DNAH14: variants seen among roughly 807,000 people sequenced by gnomAD.
The protein encoded by DNAH14 is axonemal beta dynein heavy chain 14.
Under a neutral mutation model 520.9 loss-of-function variants are expected in DNAH14, and 478 were observed. The ratio of observed to expected loss-of-function variants is 0.92; its 90% confidence interval spans 0.85 to 0.99. The LOEUF is 0.99. Ranked by LOEUF, DNAH14 falls within the 50% of genes least tolerant of loss-of-function variation. The pLI, the probability that DNAH14 is intolerant of heterozygous loss-of-function variation, is 0.00. For missense variants in DNAH14, 4,831 were observed against 5,234.5 expected (o/e 0.92, Z 2.38); for synonymous variants, 1,581 against 1,757.2 (o/e 0.90, Z 2.51).
chr1:225,094,695 C>A (rs73133567), intron 21 of DNAH14, among the ~76,000 whole-genome samples: 27,935 of 91,706 alleles, frequency 0.3, 8,503 homozygotes, highest in African/African-American at 0.71. Context: ...AACAAACAAA[C>A]AAAAAAACGC....
intron 27 of DNAH14, among the ~76,000 whole-genome samples, chr1:225,135,457 T>C (rs2078867187): frequency 6.6e-6 from 1 of 152,142 alleles, no homozygotes; most frequent in South Asian, 2.1e-4. Context: ...TATGTAGTTG[T>C]ATGGTTTTGA....
At chr1:225,307,434 C>T in intron 58 of DNAH14, 27 bp from the exon 59 acceptor site, 1 of 1,433,944 alleles carries the variant, frequency 7.0e-7, no homozygotes, top group Admixed American at 2.4e-5. Flanking sequence ...ATATCTTACA[C>T]CTTCTTAATA....
chr1:225,086,200 T>C (rs1489474830), intron 21 of DNAH14, among the ~76,000 whole-genome samples: 1 of 151,920 alleles, frequency 6.6e-6, no homozygotes, highest in Non-Finnish European at 1.5e-5. Flanking sequence ...TGGTGCTGTC[T>C]CGGCTCACTG....
chr1:225,322,689 G>A lies in DNAH14; in HGVS notation c.9361G>A (p.Val3121Ile). ...LRVYTRPPFL[V>I]LTVMNAVCIL... ...AGTATACACACGGCCTCCCTTCCTTGTACTGACTGTCATGAATGCAGTGTG... is the reference window on the plus strand; with the variant it reads ...AGTATACACACGGCCTCCCTTCCTTATACTGACTGTCATGAATGCAGTGTG... The change falls in exon 62 of 86, where the codon GTA becomes ATA. Residue 3121 changes from valine to isoleucine, a missense_variant. By Grantham distance (29) the Val-to-Ile change is conservative (BLOSUM62 3). Transcript: ENST00000682510. 6.5e-7 allele frequency: 1 copy of A among 1,548,206 alleles called. No individual in the cohort carries two copies. Among genetic ancestry groups the A allele is most frequent in the Non-Finnish European group, 8.7e-7 (1 of 1,144,244 alleles).
intron 72 of DNAH14, among the ~76,000 whole-genome samples, chr1:225,352,451 A>AT (rs1338591786): frequency 6.6e-6 from 1 of 151,946 alleles, no homozygotes; most frequent in Non-Finnish European, 1.5e-5. Context: ...ATCCTTATAC[A>AT]TTTTTCCTTT....
At chr1:224,963,688 G>A (rs1391822620) in intron 4 of DNAH14, among the ~76,000 whole-genome samples, 1 of 151,884 alleles carries the variant, frequency 6.6e-6, no homozygotes, top group African/African-American at 2.4e-5. Flanking sequence ...CCTCTTGTCA[G>A]ACATACACAG....
chr1:225,044,004 G>A (rs1158225914), intron 15 of DNAH14, 21 bp downstream of exon 15: 1 of 1,354,910 alleles, frequency 7.4e-7, no homozygotes, highest in Non-Finnish European at 1.0e-6. Flanking sequence ...TTAAAGCTTA[G>A]TGAAATGCAT....
chr1:225,231,486 C>A (rs1453449747), intron 42 of DNAH14, among the ~76,000 whole-genome samples: 2 of 151,968 alleles, frequency 1.3e-5, no homozygotes, highest in African/African-American at 2.4e-5. Context: ...TGTTTTTAAG[C>A]TTTAATTTTT....
At chr1:225,166,398 T>C (rs1451137363) in intron 35 of DNAH14, among the ~76,000 whole-genome samples, 1 of 152,214 alleles carries the variant, frequency 6.6e-6, no homozygotes, top group East Asian at 1.9e-4. Context: ...CTGTCAACTG[T>C]TTAATAAATT....
At position 225,331,519 on chromosome 1, in the gene DNAH14, T is replaced by A; in HGVS notation, c.9806T>A (p.Met3269Lys). 3 of 1,551,442 alleles carry A rather than the reference T, an allele frequency of 1.9e-6. No individual in the cohort carries two copies. Among genetic ancestry groups the A allele is most frequent in the Non-Finnish European group, 2.6e-6 (3 of 1,146,850 alleles). Reference sequence around the variant, plus strand: ...CAACTATTAGCAAATCGGAAAACAATGGCCAGCAGGCGCTTTCAGTGTGCG... The same window carrying A: ...CAACTATTAGCAAATCGGAAAACAAAGGCCAGCAGGCGCTTTCAGTGTGCG... The part of the protein sequence containing the change: ...EKQLLANRKT[M>K]ASRRFQCASV... The change falls in exon 65 of 86, where the codon ATG becomes AAG. Residue 3269 changes from methionine to lysine, a missense_variant. Met to Lys is a moderately conservative substitution (Grantham distance 95). Coordinates refer to ENST00000682510, the MANE Select transcript of DNAH14 (RefSeq NM_001367479.1).
intron 10 of DNAH14, among the ~76,000 whole-genome samples, chr1:225,020,506 AAAAAAAAAAAC>A (rs1282216622): frequency 1.3e-5 from 2 of 148,640 alleles, no homozygotes; most frequent in Non-Finnish European, 1.5e-5. Context: ...CAAAAAAAAA[AAAAAAAAAAAC>A]AACTCAAAGG....
intron 69 of DNAH14, among the ~76,000 whole-genome samples, chr1:225,343,970 T>C (rs1434745267): frequency 6.6e-6 from 1 of 152,176 alleles, no homozygotes; most frequent in African/African-American, 2.4e-5. Flanking sequence ...GAACAAAAGA[T>C]GGATTTGATG....
At chr1:225,224,687 C>T (rs142971194) in intron 41 of DNAH14, among the ~76,000 whole-genome samples, 1 of 152,124 alleles carries the variant, frequency 6.6e-6, no homozygotes, top group Non-Finnish European at 1.5e-5. Context: ...TAGTTCACTC[C>T]CCCATACCTA....
intron 76 of DNAH14, among the ~76,000 whole-genome samples, chr1:225,366,967 G>A (rs2095560472): frequency 6.6e-6 from 1 of 150,396 alleles, no homozygotes; most frequent in South Asian, 2.1e-4. Context: ...ACACACACAG[G>A]ACATGGGAAT....
chr1:225,170,102 A>G (rs2082450691), intron 36 of DNAH14, among the ~76,000 whole-genome samples: 1 of 152,208 alleles, frequency 6.6e-6, no homozygotes, highest in Admixed American at 6.5e-5. Flanking sequence ...CCTGCCCTAC[A>G]AGAGCTCCTG....
At chr1:225,092,654 A>G (rs2074500148) in intron 21 of DNAH14, among the ~76,000 whole-genome samples, 1 of 152,108 alleles carries the variant, frequency 6.6e-6, no homozygotes, top group Non-Finnish European at 1.5e-5. Context: ...CAAAGCGAGG[A>G]GAAGATAATA....
chr1:225,130,511 C>G (rs1050251751), intron 27 of DNAH14, among the ~76,000 whole-genome samples: 2 of 151,540 alleles, frequency 1.3e-5, no homozygotes, highest in South Asian at 4.2e-4. Context: ...GAGTTCATGC[C>G]CTTTGTAGGG....
At chr1:225,365,950 T>C (rs992483835) in intron 76 of DNAH14, among the ~76,000 whole-genome samples, 5 of 152,210 alleles carry the variant, frequency 3.3e-5, no homozygotes, top group Admixed American at 2.6e-4. Flanking sequence ...TGGGAGTTTT[T>C]CATATGCCAT....
chr1:225,337,513 G>T lies in DNAH14; in HGVS notation c.10311+17G>T, dbSNP rs552936812. 1.3e-6 allele frequency: 2 copies of T among 1,541,228 alleles called. No homozygotes were observed. The highest frequency in any genetic ancestry group is 1.4e-5 in the African/African-American group (1 of 72,890). On this transcript the variant is annotated intron_variant, in intron 67 of 85. Coordinates refer to ENST00000682510, the MANE Select transcript of DNAH14 (RefSeq NM_001367479.1). The stretch of plus-strand genomic sequence containing the variant: ...CTCCTGCAGGTAAGTGGGCAGTATG[G>T]CCTAATTTCCCTTGCAGCTGATACA...
Sources: gnomAD v4.1 joint callset for allele counts (sites outside exome capture counted in the v4.1 genomes callset) on GRCh38, gnomAD v4.1.1 for gene constraint, MANE v1.5 for transcripts, NCBI Gene and HGNC (gene_info 2026-07-23, HGNC 2026-07-21) for gene names.